The following SIM1 variants were observed in gnomAD, a reference collection of about 807,000 sequenced individuals.
The protein encoded by SIM1 is single-minded homolog 1.
SIM1 carries 18 observed loss-of-function variants against 78.2 expected under a neutral mutation model. The ratio of observed to expected loss-of-function variants is 0.23; its 90% CI spans 0.16 to 0.34. The LOEUF (loss-of-function observed/expected upper bound fraction) is 0.34, where lower values mean the gene tolerates loss of function less well. Ranked by LOEUF, SIM1 falls within the 10% of genes least tolerant of loss-of-function variation. SIM1 has a pLI of 1.00. For synonymous variants in SIM1, 417 were observed against 385.2 expected (o/e 1.08, Z -0.97); for missense variants, 939 against 975.1 (o/e 0.96, Z 0.49).
At chr6:100,460,499 A>G (rs1359387159) in intron 2 of SIM1, among the ~76,000 whole-genome samples, 1 of 152,236 alleles carries the variant, frequency 6.6e-6, no homozygotes, top group African/African-American at 2.4e-5. Flanking sequence ...TATAAAATCC[A>G]TATATTACCT....
At chr6:100,414,068 T>C (rs747832997) in intron 10 of SIM1, among the ~76,000 whole-genome samples, 1 of 152,186 alleles carries the variant, frequency 6.6e-6, no homozygotes, top group Admixed American at 6.5e-5. Flanking sequence ...ACAAATACAT[T>C]TGGGGTTATA....
At chr6:100,437,701 G>A (rs1457882325) in intron 9 of SIM1, among the ~76,000 whole-genome samples, 5 of 152,250 alleles carry the variant, frequency 3.3e-5, no homozygotes, top group Admixed American at 6.5e-5. Flanking sequence ...AAATGCTGAC[G>A]TTTCTCCCTC....
intron 5 of SIM1, 43 bp downstream of exon 5, chr6:100,449,548 G>A (rs377618494): frequency 5.0e-6 from 8 of 1,592,446 alleles, no homozygotes; most frequent in Non-Finnish European, 6.9e-6. Context: ...ACCACAAGCG[G>A]ACTGCGATGG....
intron 9 of SIM1, among the ~76,000 whole-genome samples, chr6:100,440,519 G>A (rs997033074): frequency 6.6e-6 from 1 of 152,202 alleles, no homozygotes; most frequent in Non-Finnish European, 1.5e-5. Context: ...CACCAAGGAG[G>A]AGCCCTCTTC....
rs78167476 is a variant in SIM1 at position 100,453,286 on chromosome 6, G to A, written c.258+476C>T. 9.9e-3 allele frequency among the ~76,000 whole-genome samples: 1,506 copies of A among 152,260 alleles called. 28 individuals carry two copies. The highest frequency in any genetic ancestry group is 0.035 in the African/African-American group (1,441 of 41,544). ...AGAAGAGGGAGCCTGGGCACTACAG[G>A]GACACAAAACCAGTTGCAGATGTAG... is the stretch of plus-strand genomic sequence containing the variant. On this transcript the variant is annotated intron_variant, in intron 3 of 11. Coordinates refer to ENST00000369208, the MANE Select transcript of SIM1 (RefSeq NM_005068.3).
chr6:100,396,052 T>C (rs930706478), intron 10 of SIM1: 7 of 979,934 alleles, frequency 7.1e-6, no homozygotes, highest in Non-Finnish European at 8.5e-6. Flanking sequence ...TGGGGCTCGG[T>C]ACCTACATCA....
At chr6:100,449,974 G>A (rs916099073) in intron 4 of SIM1, among the ~76,000 whole-genome samples, 6 of 152,160 alleles carry the variant, frequency 3.9e-5, no homozygotes, top group African/African-American at 1.4e-4. Context: ...CAGTTCCCTG[G>A]CAAAGTTCTG....
chr6:100,404,149 T>C (rs1261538669), intron 10 of SIM1, among the ~76,000 whole-genome samples: 2 of 152,152 alleles, frequency 1.3e-5, no homozygotes, highest in African/African-American at 4.8e-5. Context: ...ACTCAAACAG[T>C]CTCATACCAC....
At chr6:100,449,250 C>G (rs923146621) in intron 6 of SIM1, 113 bp downstream of exon 6, 13 of 828,400 alleles carry the variant, frequency 1.6e-5, no homozygotes, top group Non-Finnish European at 2.4e-5. Flanking sequence ...TCGACGCAAG[C>G]TGGGGGTGCC....
chr6:100,432,848 G>C (rs1405461878), intron 9 of SIM1, among the ~76,000 whole-genome samples: 5 of 152,062 alleles, frequency 3.3e-5, no homozygotes, highest in Non-Finnish European at 4.4e-5. Context: ...CGAATGACGG[G>C]CATCTTGAAG....
At chr6:100,458,811 G>T (rs932825703) in intron 2 of SIM1, among the ~76,000 whole-genome samples, 16 of 152,384 alleles carry the variant, frequency 1.0e-4, no homozygotes, top group Non-Finnish European at 1.9e-4. Flanking sequence ...GCTACCAGCG[G>T]AAGGAAGTTT....
rs765244310 is a variant in SIM1 at position 100,390,922 on chromosome 6, G to C, written c.1740C>G (p.Asn580Lys). 1.2e-6 allele frequency: 2 copies of C among 1,613,964 alleles called. No individual in the cohort carries two copies. The highest frequency in any genetic ancestry group is 1.3e-5 in the African/African-American group (1 of 74,886). Residue 580 changes from asparagine to lysine, a missense_variant, in exon 12 of 12, where the codon AAC becomes AAG. This residue lies in a region of SIM1 where 556 missense variants were observed against 521.9 expected (regional missense o/e 1.07). Transcript: ENST00000369208. ...AGGGGGCTTTCCTTAGCTGTAATCT[G>C]TTCTCTTCTTCTTTAATCATTTGCT... ...ATQQMIKEEE[N>K]RLQLRKAPSD...
intron 3 of SIM1, among the ~76,000 whole-genome samples, chr6:100,451,133 G>A (rs770853422): frequency 2.6e-5 from 4 of 152,172 alleles, no homozygotes; most frequent in African/African-American, 9.7e-5. Context: ...AGGAGCAACT[G>A]GCCTGAAGAC....
At chr6:100,393,382 A>C (rs995368348) in intron 11 of SIM1, 105 bp downstream of exon 11, 1 of 1,051,674 alleles carries the variant, frequency 9.5e-7, no homozygotes, top group African/African-American at 1.6e-5. Flanking sequence ...CTGATTTGTA[A>C]ATCAAAGAAG....
chr6:100,460,577 G>A (rs981099862), intron 2 of SIM1, among the ~76,000 whole-genome samples: 1 of 152,060 alleles, frequency 6.6e-6, no homozygotes, highest in African/African-American at 2.4e-5. Context: ...CTATGTACTA[G>A]GGTGGCTTCA....
intron 10 of SIM1, among the ~76,000 whole-genome samples, chr6:100,408,420 T>G (rs1352555547): frequency 1.3e-5 from 2 of 151,982 alleles, no homozygotes; most frequent in African/African-American, 4.8e-5. Context: ...TCTCATGAGG[T>G]GCTTTGGATA....
At position 100,389,614 on chromosome 6, in the gene SIM1, T is replaced by G. The variant is rs890006000; in HGVS notation, c.*747A>C. ...CCAATTGAGCACTCCAGGTTTTTGA[T>G]GTGTGTCCCAATATCTCAGTGTTCT... On this transcript the variant is annotated 3_prime_UTR_variant, in exon 12 of 12. Coordinates refer to ENST00000369208, the MANE Select transcript of SIM1 (RefSeq NM_005068.3). 1.0e-5 allele frequency: 4 copies of G among 398,850 alleles called. No homozygotes were observed. The Admixed American group carries it at 1.8e-4, about 18-fold the overall frequency. The allele number at this position is 398,850 out of a possible 1,614,324, so 24.7% of individuals were successfully genotyped here.
chr6:100,450,692 T>A (rs1158994916), intron 3 of SIM1, among the ~76,000 whole-genome samples: 79 of 88,282 alleles, frequency 8.9e-4, no homozygotes, highest in African/African-American at 3.3e-3. Context: ...TCTCTCTCTC[T>A]CTCTCACACA....
intron 9 of SIM1, among the ~76,000 whole-genome samples, chr6:100,429,952 T>C (rs241814): frequency 0.088 from 13,333 of 152,214 alleles, 1,483 homozygotes; most frequent in African/African-American, 0.25. Flanking sequence ...TTTCACTCAC[T>C]TTCTGATCTG....
Sources: allele counts gnomAD v4.1 joint callset (sites outside exome capture counted in the v4.1 genomes callset), GRCh38; gene constraint gnomAD v4.1.1; regional missense constraint gnomAD v4.1.1; transcripts MANE v1.5; gene names NCBI Gene and HGNC (gene_info 2026-07-23, HGNC 2026-07-21).